SGCZ: variants seen among roughly 807,000 people sequenced by gnomAD.
SGCZ encodes zeta-sarcoglycan.
Under a neutral mutation model 41.3 loss-of-function variants are expected in SGCZ, and 40 were observed. The ratio of observed to expected loss-of-function variants is 0.97; its 90% confidence interval spans 0.75 to 1.26. The LOEUF is 1.26. Ranked by LOEUF, SGCZ falls within the 50% of genes most tolerant of loss-of-function variation. The pLI, the probability that SGCZ is intolerant of heterozygous loss-of-function variation, is 0.00. For missense variants in SGCZ, 552 were observed against 369.8 expected (o/e 1.49, Z -4.04); for synonymous variants, 206 against 137.5 (o/e 1.50, Z -3.49).
intron 3 of SGCZ, among the ~76,000 whole-genome samples, chr8:14,284,558 A>G (rs940856104): frequency 7.9e-5 from 12 of 152,208 alleles, no homozygotes; most frequent in African/African-American, 2.7e-4. Flanking sequence ...CTTTATTCAT[A>G]CAGATAATCT....
At chr8:14,557,024 G>A (rs763985013) in intron 1 of SGCZ, among the ~76,000 whole-genome samples, 5 of 152,002 alleles carry the variant, frequency 3.3e-5, no homozygotes, top group Non-Finnish European at 5.9e-5. Context: ...TTTCCATAAT[G>A]TTTGTACTAG....
intron 1 of SGCZ, among the ~76,000 whole-genome samples, chr8:14,567,733 C>A (rs750427102): frequency 1.3e-5 from 2 of 152,090 alleles, no homozygotes; most frequent in Non-Finnish European, 2.9e-5. Flanking sequence ...TAACACTCAC[C>A]GTGAAGGTCT....
intron 1 of SGCZ, among the ~76,000 whole-genome samples, chr8:14,810,407 T>C (rs931014934): frequency 2.0e-5 from 3 of 152,002 alleles, no homozygotes; most frequent in African/African-American, 4.8e-5. Flanking sequence ...GGTGCAGCAG[T>C]GTGTATGCTT....
intron 1 of SGCZ, among the ~76,000 whole-genome samples, chr8:14,631,942 T>C (rs1806668971): frequency 6.6e-6 from 1 of 152,168 alleles, no homozygotes; most frequent in South Asian, 2.1e-4. Context: ...GTAATATTTG[T>C]TGGGTACCAC....
In SGCZ at chr8:14,300,776, A is replaced by G. The variant is rs1324631181; in HGVS notation, c.336+23327T>C. On this transcript the variant is annotated intron_variant, in intron 3 of 7. Transcript: ENST00000382080. ...TTAGCCATACGTATGTCTTCTTTTG[A>G]GAAATTTCTATTCAGGTCCTTTGCC... Among the ~76,000 whole-genome samples the G allele has an allele frequency of 2.0e-5, 3 of 151,962 alleles. No individual in the cohort carries two copies. The South Asian group carries it at 6.2e-4, about 31-fold the overall frequency.
At chr8:14,226,977 C>G (rs1271812456) in intron 4 of SGCZ, among the ~76,000 whole-genome samples, 1 of 152,078 alleles carries the variant, frequency 6.6e-6, no homozygotes, top group African/African-American at 2.4e-5. Context: ...TGAAGGCTTT[C>G]TTCCCCAGAT....
In SGCZ at chr8:14,888,496, A is replaced by T. The variant is rs79115583; in HGVS notation, c.40-333570T>A. ...GAAAGAATATAGAAAGAAAGTATAC[A>T]TAATCGTATCATGAGCAACAATGAA... On this transcript the variant is annotated intron_variant, in intron 1 of 7. Coordinates refer to ENST00000382080, the MANE Select transcript of SGCZ (RefSeq NM_139167.4). Among the ~76,000 whole-genome samples the T allele has an allele frequency of 1.1e-4, 17 of 152,340 alleles. No individual in the cohort carries two copies. In the East Asian group the frequency reaches 3.1e-3, roughly 28 times the overall value.
intron 2 of SGCZ, among the ~76,000 whole-genome samples, chr8:14,362,004 C>T (rs187365487): frequency 1.3e-5 from 2 of 152,296 alleles, no homozygotes; most frequent in Middle Eastern, 3.4e-3. Context: ...CTGGGTATCA[C>T]CAGCAGAGGC....
At chr8:15,028,026 T>C (rs1803519894) in intron 1 of SGCZ, among the ~76,000 whole-genome samples, 1 of 152,058 alleles carries the variant, frequency 6.6e-6, no homozygotes, top group Admixed American at 6.6e-5. Context: ...AAGTAAATGG[T>C]AGAGTCAGAT....
At chr8:14,596,340 T>C (rs1296093137) in intron 1 of SGCZ, among the ~76,000 whole-genome samples, 5 of 152,222 alleles carry the variant, frequency 3.3e-5, no homozygotes, top group South Asian at 4.1e-4. Context: ...TCAGAGCAAA[T>C]ATGAAGGAAG....
chr8:14,091,017 T>G (rs541247208), intron 7 of SGCZ, among the ~76,000 whole-genome samples: 278 of 152,026 alleles, frequency 1.8e-3, no homozygotes, highest in Non-Finnish European at 3.1e-3. Flanking sequence ...CCCGGATGTG[T>G]GATGTTCCCT....
intron 1 of SGCZ, among the ~76,000 whole-genome samples, chr8:14,702,804 GGT>G (rs1809188209): frequency 2.9e-5 from 4 of 139,342 alleles, no homozygotes; most frequent in African/African-American, 1.0e-4. Flanking sequence ...CAGACAGGTA[GGT>G]AGTTAGGTAG....
At chr8:14,697,265 G>C (rs771704879) in intron 1 of SGCZ, among the ~76,000 whole-genome samples, 2 of 151,904 alleles carry the variant, frequency 1.3e-5, no homozygotes, top group Admixed American at 1.3e-4. Context: ...TTTACTACAT[G>C]CCAGAAATGA....
At chr8:14,317,214 C>G (rs1385687729) in intron 3 of SGCZ, among the ~76,000 whole-genome samples, 2 of 151,930 alleles carry the variant, frequency 1.3e-5, no homozygotes, top group Non-Finnish European at 2.9e-5. Flanking sequence ...AATAATATTC[C>G]TTGAGTTGGC....
intron 3 of SGCZ, among the ~76,000 whole-genome samples, chr8:14,296,296 G>A (rs1801011036): frequency 6.6e-6 from 1 of 152,186 alleles, no homozygotes; most frequent in South Asian, 2.1e-4. Context: ...CACATGGAGA[G>A]AAGCAGCAAT....
At chr8:14,356,828 C>G (rs1796744830) in intron 2 of SGCZ, among the ~76,000 whole-genome samples, 1 of 152,040 alleles carries the variant, frequency 6.6e-6, no homozygotes, top group Middle Eastern at 3.4e-3. Flanking sequence ...TAAAAGTTAG[C>G]TACTTAAGTA....
intron 2 of SGCZ, among the ~76,000 whole-genome samples, chr8:14,414,135 A>T (rs1412236069): frequency 6.6e-6 from 1 of 151,954 alleles, no homozygotes; most frequent in African/African-American, 2.4e-5. Flanking sequence ...AATTTAAGAG[A>T]TTAGAAAAAC....
chr8:14,421,663 C>G (rs1457421670), intron 2 of SGCZ, among the ~76,000 whole-genome samples: 1 of 152,072 alleles, frequency 6.6e-6, no homozygotes, highest in Non-Finnish European at 1.5e-5. Context: ...AACATAATGA[C>G]TCCTAAAAAT....
chr8:15,159,740 A>AC (rs1563157557), intron 1 of SGCZ, among the ~76,000 whole-genome samples: 2 of 5,850 alleles, frequency 3.4e-4, no homozygotes, highest in Non-Finnish European at 6.7e-4. Context: ...CGCCCCCCCC[A>AC]CCCTCCCCCC....
Sources: allele counts gnomAD v4.1 joint callset (sites outside exome capture counted in the v4.1 genomes callset), GRCh38; gene constraint gnomAD v4.1.1; transcripts MANE v1.5; gene names NCBI Gene and HGNC (gene_info 2026-07-23, HGNC 2026-07-21).